Variants in CSMD1 observed in about 807,000 individuals in gnomAD.
The protein encoded by CSMD1 is CUB and sushi domain-containing protein 1.
Under a neutral mutation model 417.5 loss-of-function variants are expected in CSMD1, and 213 were observed. The ratio of observed to expected loss-of-function variants is 0.51; its 90% confidence interval spans 0.46 to 0.57. The LOEUF (loss-of-function observed/expected upper bound fraction) is 0.57. Ranked by LOEUF, CSMD1 falls within the 20% of genes least tolerant of loss-of-function variation. The pLI is 0.00. For synonymous variants in CSMD1, 2,862 were observed against 1,736.8 expected, an observed-to-expected ratio of 1.65 and a Z score of -16.11; for missense variants, 6,923 against 4,529.7, an observed-to-expected ratio of 1.53 and a Z score of -15.17.
intron 1 of CSMD1, among the ~76,000 whole-genome samples, chr8:4,887,294 G>A (rs1033774909): frequency 2.0e-5 from 3 of 151,988 alleles, no homozygotes; most frequent in Non-Finnish European, 2.9e-5. Context: ...GTTTCTACTA[G>A]AGGCTTTTAA....
At chr8:3,247,413 CTTAT>C (rs1189811628) in intron 26 of CSMD1, among the ~76,000 whole-genome samples, 1 of 152,166 alleles carries the variant, frequency 6.6e-6, no homozygotes, top group East Asian at 1.9e-4. Flanking sequence ...GCTGACTTCT[CTTAT>C]TTCCATGCTC....
At chr8:3,462,697 T>C (rs966037273) in intron 12 of CSMD1, among the ~76,000 whole-genome samples, 1 of 152,136 alleles carries the variant, frequency 6.6e-6, no homozygotes, top group Non-Finnish European at 1.5e-5. Context: ...GCACAGTAAA[T>C]GCAATGCACT....
chr8:3,038,058 T>C (rs530536661), intron 50 of CSMD1, among the ~76,000 whole-genome samples: 3 of 152,206 alleles, frequency 2.0e-5, no homozygotes, highest in Non-Finnish European at 4.4e-5. Context: ...TATGGTTATT[T>C]TAAAATACAT....
intron 1 of CSMD1, among the ~76,000 whole-genome samples, chr8:4,900,669 C>G (rs763013371): frequency 2.6e-5 from 4 of 152,190 alleles, no homozygotes; most frequent in Non-Finnish European, 5.9e-5. Context: ...CTCTGCTGTC[C>G]AAGGAGATTT....
intron 1 of CSMD1, among the ~76,000 whole-genome samples, chr8:4,772,033 C>T (rs557317537): frequency 6.6e-6 from 1 of 152,174 alleles, no homozygotes; most frequent in Non-Finnish European, 1.5e-5. Flanking sequence ...AAAAGTCCCA[C>T]GTCGGTCTCA....
intron 5 of CSMD1, among the ~76,000 whole-genome samples, chr8:3,780,739 C>A (rs1475487956): frequency 6.6e-6 from 1 of 152,060 alleles, no homozygotes; most frequent in African/African-American, 2.4e-5. Flanking sequence ...CACATAAAGC[C>A]CATTTAATCT....
At chr8:4,124,291 A>G (rs1405314102) in intron 3 of CSMD1, among the ~76,000 whole-genome samples, 1 of 152,210 alleles carries the variant, frequency 6.6e-6, no homozygotes. Context: ...ACATCAATTT[A>G]AACAGTTATA....
intron 1 of CSMD1, among the ~76,000 whole-genome samples, chr8:4,911,133 A>C (rs558205326): frequency 6.6e-6 from 1 of 152,246 alleles, no homozygotes; most frequent in African/African-American, 2.4e-5. Flanking sequence ...TTCTTTTGTA[A>C]ATTCTCCAGT....
At chr8:4,825,371 T>A (rs1234020023) in intron 1 of CSMD1, among the ~76,000 whole-genome samples, 4 of 152,234 alleles carry the variant, frequency 2.6e-5, no homozygotes, top group South Asian at 2.1e-4. Flanking sequence ...TTGAGATTTA[T>A]TCGCTTCACC....
chr8:3,366,041 T>C (rs887218021), intron 20 of CSMD1, among the ~76,000 whole-genome samples: 1 of 152,180 alleles, frequency 6.6e-6, no homozygotes, highest in African/African-American at 2.4e-5. Context: ...TTAAGGAATT[T>C]ATGAGATCTC....
At chr8:4,132,453 C>T (rs1424708128) in intron 3 of CSMD1, among the ~76,000 whole-genome samples, 3 of 152,028 alleles carry the variant, frequency 2.0e-5, no homozygotes, top group East Asian at 1.9e-4. Flanking sequence ...GAACAAAATT[C>T]CATTTAACTT....
At chr8:4,037,173 T>C (rs975424426) in intron 3 of CSMD1, among the ~76,000 whole-genome samples, 1 of 152,264 alleles carries the variant, frequency 6.6e-6, no homozygotes, top group Non-Finnish European at 1.5e-5. Context: ...CAGTGTTCAA[T>C]ATTAGAAGTG....
intron 52 of CSMD1, among the ~76,000 whole-genome samples, chr8:3,003,732 G>A (rs1045682308): frequency 1.3e-5 from 2 of 152,188 alleles, no homozygotes; most frequent in African/African-American, 2.4e-5. Flanking sequence ...GGCTGGGAAC[G>A]AGTGGAAGGA....
intron 18 of CSMD1, among the ~76,000 whole-genome samples, chr8:3,374,399 G>C (rs1022199415): frequency 3.3e-5 from 5 of 152,130 alleles, no homozygotes; most frequent in African/African-American, 1.2e-4. Flanking sequence ...ATAGAACAAT[G>C]AATAAGACAG....
chr8:4,133,678 A>G (rs1025827177), intron 3 of CSMD1, among the ~76,000 whole-genome samples: 23 of 149,958 alleles, frequency 1.5e-4, no homozygotes, highest in Non-Finnish European at 3.0e-4. Flanking sequence ...GAAAATATGT[A>G]CAAACATTTT....
In CSMD1 at chr8:3,408,053, C is replaced by G. The variant is rs369380015; in HGVS notation, c.1917G>C (p.Ala639=). ...TGTCAGAAATGCCATCATCCTTGAC[C>G]GCGAGAAAGTCAAACTGAGGCTCAA... is the stretch of plus-strand genomic sequence containing the variant. The part of the protein sequence containing the change: ...FDVEPQFDFL[A]VKDDGISDIT... Residue 639 remains alanine, a synonymous_variant, in exon 14 of 70, where the codon GCG becomes GCC. Transcript: ENST00000635120. The G allele has an allele frequency of 2.5e-6, 4 of 1,613,774 alleles. No individual in the cohort carries two copies. The highest frequency in any genetic ancestry group is 4.5e-5 in the East Asian group (2 of 44,856).
At chr8:3,622,602 A>G (rs1796307846) in intron 7 of CSMD1, among the ~76,000 whole-genome samples, 1 of 152,256 alleles carries the variant, frequency 6.6e-6, no homozygotes, top group African/African-American at 2.4e-5. Context: ...TGAAGGCGCA[A>G]AATGATTTAG....
chr8:3,285,632 C>T (rs558539252), intron 25 of CSMD1, among the ~76,000 whole-genome samples: 6 of 151,990 alleles, frequency 3.9e-5, no homozygotes, highest in Non-Finnish European at 7.4e-5. Flanking sequence ...CTCCTCACCT[C>T]AGGTGATCCA....
chr8:4,174,333 G>T (rs896771068), intron 3 of CSMD1, among the ~76,000 whole-genome samples: 1 of 152,058 alleles, frequency 6.6e-6, no homozygotes. Flanking sequence ...TATTATTCCC[G>T]TTTTACAGAT....
Sources: allele counts gnomAD v4.1 joint callset (sites outside exome capture counted in the v4.1 genomes callset), GRCh38; gene constraint gnomAD v4.1.1; transcripts MANE v1.5; gene names NCBI Gene and HGNC (gene_info 2026-07-23, HGNC 2026-07-21).